SLX4IP: variants seen among roughly 807,000 people sequenced by gnomAD.
SLX4IP encodes the protein protein SLX4IP.
Under a neutral mutation model 32.9 loss-of-function variants are expected in SLX4IP, and 34 were observed. That is an observed-to-expected ratio of 1.03 (90% CI 0.79 to 1.38). SLX4IP has a LOEUF of 1.38. Ranked by LOEUF, SLX4IP falls within the 40% of genes most tolerant of loss-of-function variation. The pLI, the probability that SLX4IP is intolerant of heterozygous loss-of-function variation, is 0.00. For missense variants in SLX4IP, 444 were observed against 479.0 expected (o/e 0.93, Z 0.68); for synonymous variants, 172 against 171.7 (o/e 1.00, Z -0.01).
Position 10,470,640 on chromosome 20 carries a change from A to G in SLX4IP, c.27+12409A>G, listed in dbSNP as rs530524026. On this transcript the variant is annotated intron_variant, in intron 2 of 7. Coordinates refer to ENST00000334534, the MANE Select transcript of SLX4IP (RefSeq NM_001009608.3). ...TATTTTGCGAGTTTAATATGAGGTG[A>G]AAAAAGAATGTCATGCTGTTTGTTC... 5.9e-5 allele frequency among the ~76,000 whole-genome samples: 9 copies of G among 152,320 alleles called. No homozygotes were observed. The East Asian group carries it at 1.7e-3, about 29-fold the overall frequency.
chr20:10,621,531 A>G (rs1039287115), intron 7 of SLX4IP, 117 bp downstream of exon 7: 9 of 814,902 alleles, frequency 1.1e-5, no homozygotes, highest in African/African-American at 1.0e-4. Context: ...CCCCTCCGTC[A>G]CGTACTTACT....
At position 10,623,287 on chromosome 20, in the gene SLX4IP, C is replaced by T. The variant is rs1322505442; in HGVS notation, c.1135C>T (p.Gln379Ter). The change falls in exon 8 of 8, where the codon CAG becomes TAG. Residue 379 changes from glutamine to a stop codon, truncating the protein, a stop_gained. Coordinates refer to ENST00000334534, the MANE Select transcript of SLX4IP (RefSeq NM_001009608.3). LOFTEE classifies it low-confidence loss of function (END_TRUNC). ...HLMKNNPGQAQQTGLATNTER... is the reference protein window; with the variant it reads ...HLMKNNPGQA ...TATGAAAAATAACCCAGGGCAGGCA[C>T]AGCAAACCGGCTTAGCCACAAACAC... 1 of 1,614,124 alleles carries T rather than the reference C, an allele frequency of 6.2e-7. No homozygotes were observed. The highest frequency in any genetic ancestry group is 2.2e-5 in the East Asian group (1 of 44,862).
At chr20:10,542,090 A>C (rs1003300504) in intron 2 of SLX4IP, among the ~76,000 whole-genome samples, 2 of 152,336 alleles carry the variant, frequency 1.3e-5, no homozygotes, top group East Asian at 3.9e-4. Context: ...AAATCAGTCC[A>C]ATGCAACAAG....
chr20:10,601,933 C>A, intron 6 of SLX4IP, 114 bp downstream of exon 6: 1 of 868,258 alleles, frequency 1.2e-6, no homozygotes, highest in Non-Finnish European at 1.8e-6. Flanking sequence ...GCACCCAACG[C>A]ATGTTTTAAG....
At chr20:10,519,914 A>G (rs2065888190) in intron 2 of SLX4IP, among the ~76,000 whole-genome samples, 1 of 152,210 alleles carries the variant, frequency 6.6e-6, no homozygotes, top group South Asian at 2.1e-4. Flanking sequence ...TCCTAGTGGT[A>G]TGAAGTTGTG....
intron 2 of SLX4IP, among the ~76,000 whole-genome samples, chr20:10,555,420 C>A (rs1463972512): frequency 1.3e-5 from 2 of 152,128 alleles, no homozygotes; most frequent in African/African-American, 4.8e-5. Context: ...ACTGTGCTAT[C>A]CAGTATGGAA....
chr20:10,492,078 A>C (rs1206782923), intron 2 of SLX4IP, among the ~76,000 whole-genome samples: 3 of 152,200 alleles, frequency 2.0e-5, no homozygotes, highest in African/African-American at 7.2e-5. Context: ...GATCTGCTAC[A>C]TAGTTTTCCT....
intron 4 of SLX4IP, among the ~76,000 whole-genome samples, chr20:10,563,949 T>C (rs2066360089): frequency 1.3e-5 from 2 of 152,226 alleles, no homozygotes; most frequent in Non-Finnish European, 2.9e-5. Flanking sequence ...AAGAATGTCA[T>C]TGGTATTTTG....
intron 2 of SLX4IP, among the ~76,000 whole-genome samples, chr20:10,530,936 C>T (rs1461264231): frequency 2.0e-5 from 3 of 152,186 alleles, no homozygotes; most frequent in Non-Finnish European, 4.4e-5. Flanking sequence ...ACAGAGAGTA[C>T]CACAGTGGTG....
chr20:10,517,391 C>T (rs1446703965), intron 2 of SLX4IP, among the ~76,000 whole-genome samples: 1 of 152,168 alleles, frequency 6.6e-6, no homozygotes, highest in East Asian at 1.9e-4. Context: ...TGGGGATAAA[C>T]AGAGTGTTCT....
intron 1 of SLX4IP, among the ~76,000 whole-genome samples, chr20:10,451,180 A>T (rs372144483): frequency 1.3e-5 from 2 of 151,780 alleles, no homozygotes; most frequent in East Asian, 1.9e-4. Flanking sequence ...TATTTTTTTG[A>T]GACAGAGTAT....
intron 2 of SLX4IP, among the ~76,000 whole-genome samples, chr20:10,531,138 T>A (rs2065985617): frequency 6.6e-6 from 1 of 152,162 alleles, no homozygotes; most frequent in African/African-American, 2.4e-5. Context: ...TGACTCCTCT[T>A]CTGGGATCAT....
At chr20:10,622,575 T>G in intron 7 of SLX4IP, 84 bp from the exon 8 acceptor site, 1 of 1,505,990 alleles carries the variant, frequency 6.6e-7, no homozygotes, top group Non-Finnish European at 8.8e-7. Context: ...CTTTTTCAGG[T>G]GTAGGAAATG....
intron 2 of SLX4IP, among the ~76,000 whole-genome samples, chr20:10,491,385 C>T (rs55666859): frequency 0.11 from 17,194 of 152,156 alleles, 1,308 homozygotes; most frequent in Non-Finnish European, 0.17. Context: ...TCATGATTCT[C>T]AGCTCTAACG....
At chr20:10,579,732 C>G (rs1049160406) in intron 4 of SLX4IP, among the ~76,000 whole-genome samples, 54 of 152,140 alleles carry the variant, frequency 3.5e-4, no homozygotes, top group African/African-American at 1.3e-3. Context: ...GGCCTCAATT[C>G]TGTTTCTACA....
intron 2 of SLX4IP, among the ~76,000 whole-genome samples, chr20:10,476,771 T>C (rs2065478100): frequency 6.6e-6 from 1 of 152,158 alleles, no homozygotes; most frequent in South Asian, 2.1e-4. Context: ...TGTGTGTGTG[T>C]GTAGATAAAA....
intron 1 of SLX4IP, among the ~76,000 whole-genome samples, chr20:10,449,534 ACT>A (rs1879286454): frequency 6.6e-6 from 1 of 152,056 alleles, no homozygotes; most frequent in African/African-American, 2.4e-5. Flanking sequence ...ACCTGACAAG[ACT>A]CTATCTAGCG....
At chr20:10,483,845 C>CCTAGGAAGGAGAT (rs2065548367) in intron 2 of SLX4IP, among the ~76,000 whole-genome samples, 1 of 141,880 alleles carries the variant, frequency 7.0e-6, no homozygotes, top group Non-Finnish European at 1.5e-5. Context: ...TCTGACCTTC[C>CCTAGGAAGGAGAT]TCTGAAGCAA....
Position 10,611,558 on chromosome 20 carries a change from G to A in SLX4IP, c.405+9739G>A, listed in dbSNP as rs114509932. On this transcript the variant is annotated intron_variant, in intron 6 of 7. Coordinates refer to ENST00000334534, the MANE Select transcript of SLX4IP (RefSeq NM_001009608.3). ...CAGGGGGAGGTGAGGCCTCTTGCCAGGACAGCTGTGGCTGATGCATCTCTT... is the reference window on the plus strand; with the variant it reads ...CAGGGGGAGGTGAGGCCTCTTGCCAAGACAGCTGTGGCTGATGCATCTCTT... Among the ~76,000 whole-genome samples, 544 of 152,336 alleles carry A rather than the reference G, an allele frequency of 3.6e-3. 4 individuals are homozygous for A. The highest frequency in any genetic ancestry group is 0.013 in the African/African-American group (529 of 41,564).
Sources: allele counts gnomAD v4.1 joint callset (sites outside exome capture counted in the v4.1 genomes callset), GRCh38; gene constraint gnomAD v4.1.1; transcripts MANE v1.5; gene names NCBI Gene and HGNC (gene_info 2026-07-23, HGNC 2026-07-21).